NFATC3: variants seen among roughly 807,000 people sequenced by gnomAD.
NFATC3 encodes the protein nuclear factor of activated T-cells, cytoplasmic 3.
A neutral mutation model predicts 98.6 loss-of-function variants in NFATC3; 46 were observed. That is an observed-to-expected ratio of 0.47 (90% CI 0.37 to 0.60). The LOEUF is 0.60. NFATC3 is among the 20% of genes least tolerant of loss of function. The probability of loss-of-function intolerance (pLI) is 0.00; values close to 1 mark genes in which losing one functional copy is unlikely to be tolerated. For missense variants in NFATC3, 1,256 were observed against 1,295.5 expected (o/e 0.97, Z 0.47); for synonymous variants, 512 against 472.2 (o/e 1.08, Z -1.09).
chr16:68,216,419 T>G (rs2151169647), intron 9 of NFATC3, among the ~76,000 whole-genome samples: 1 of 152,378 alleles, frequency 6.6e-6, no homozygotes, highest in South Asian at 2.1e-4. Flanking sequence ...TGTGTACTGT[T>G]TACTCAGCTG....
At chr16:68,102,733 A>G (rs2035440827) in intron 1 of NFATC3, among the ~76,000 whole-genome samples, 1 of 152,188 alleles carries the variant, frequency 6.6e-6, no homozygotes, top group South Asian at 2.1e-4. Flanking sequence ...TGCTTGTCAT[A>G]TGGTAATTCT....
intron 1 of NFATC3, 40 bp from the exon 2 acceptor site, chr16:68,121,947 G>A: frequency 2.0e-6 from 3 of 1,513,846 alleles, no homozygotes; most frequent in Non-Finnish European, 2.6e-6. Context: ...CTAATTTCTT[G>A]TTTTGTTGGG....
At chr16:68,136,603 T>G (rs541107984) in intron 3 of NFATC3, among the ~76,000 whole-genome samples, 7 of 152,160 alleles carry the variant, frequency 4.6e-5, no homozygotes, top group African/African-American at 7.2e-5. Context: ...AAAAGTTCTT[T>G]AAAAAGGGCA....
At chr16:68,169,728 G>T (rs1388513148) in intron 5 of NFATC3, among the ~76,000 whole-genome samples, 1 of 151,816 alleles carries the variant, frequency 6.6e-6, no homozygotes, top group African/African-American at 2.4e-5. Context: ...ATCACCTGAG[G>T]TCAGGAGTTT....
chr16:68,106,192 C>T (rs1168629192), intron 1 of NFATC3, among the ~76,000 whole-genome samples: 1 of 152,058 alleles, frequency 6.6e-6, no homozygotes, highest in African/African-American at 2.4e-5. Flanking sequence ...TTCTTATTAT[C>T]ATAGTATTCT....
chr16:68,148,736 G>C (rs981643168), intron 3 of NFATC3, among the ~76,000 whole-genome samples: 5 of 152,206 alleles, frequency 3.3e-5, no homozygotes, highest in African/African-American at 7.2e-5. Flanking sequence ...GACCGGGCAC[G>C]GTGGTTCACA....
intron 1 of NFATC3, among the ~76,000 whole-genome samples, chr16:68,098,501 C>T (rs140773360): frequency 6.6e-6 from 1 of 152,030 alleles, no homozygotes; most frequent in African/African-American, 2.4e-5. Context: ...AGAGTTTCAC[C>T]ATGTTGACCA....
chr16:68,137,833 G>A (rs1353012748), intron 3 of NFATC3, among the ~76,000 whole-genome samples: 1 of 151,848 alleles, frequency 6.6e-6, no homozygotes, highest in African/African-American at 2.4e-5. Flanking sequence ...AGCCAGGATG[G>A]TCACGATCTT....
chr16:68,182,793 A>G (rs2040004893), intron 7 of NFATC3, among the ~76,000 whole-genome samples: 1 of 152,196 alleles, frequency 6.6e-6, no homozygotes, highest in Non-Finnish European at 1.5e-5. Context: ...TGCTGGGATT[A>G]CAAGTATGAG....
rs1598400833 is a variant in NFATC3, at chr16:68,122,234, T to C, written c.351T>C (p.Ser117=). The C allele has an allele frequency of 6.2e-7, 1 of 1,614,076 alleles. No individual in the cohort carries two copies. Among genetic ancestry groups the C allele is most frequent in the South Asian group, 1.1e-5 (1 of 91,084 alleles). The change falls in exon 2 of 10, where the codon TCT becomes TCC. Residue 117 remains serine, a synonymous_variant. Coordinates refer to ENST00000346183, the MANE Select transcript of NFATC3 (RefSeq NM_173165.3). The part of the protein sequence containing the change: ...ECPSIQITSI[S]PNCHQELDAH... The stretch of plus-strand genomic sequence containing the variant: ...CAAGTATTCAAATTACATCTATCTC[T>C]CCTAACTGTCATCAAGAATTAGATG...
At chr16:68,175,022 A>G (rs936336618) in intron 6 of NFATC3, among the ~76,000 whole-genome samples, 2 of 152,218 alleles carry the variant, frequency 1.3e-5, no homozygotes, top group African/African-American at 4.8e-5. Flanking sequence ...GAAACAACCT[A>G]AATGCTCACC....
chr16:68,126,599 C>T lies in NFATC3; in HGVS notation c.1390C>T (p.Pro464Ser), dbSNP rs2036841974. 6.2e-7 allele frequency: 1 copy of T among 1,614,020 alleles called. No individual in the cohort carries two copies. Among genetic ancestry groups the T allele is most frequent in the Non-Finnish European group, 8.5e-7 (1 of 1,179,954 alleles). ...GAVKASTGGHPVVKLLGYNEK... is the reference protein window; with the variant it reads ...GAVKASTGGHSVVKLLGYNEK... The stretch of plus-strand genomic sequence containing the variant: ...AGTAAAAGCATCTACTGGGGGACAT[C>T]CTGTTGTGAAGGTATGAGACTTTTG... Residue 464 changes from proline (P) to serine (S), a missense_variant, in exon 3 of 10, where the codon CCT (proline) becomes TCT (serine). By Grantham distance (74) the Pro-to-Ser change is moderately conservative. Coordinates refer to ENST00000346183, the MANE Select transcript of NFATC3 (RefSeq NM_173165.3).
intron 9 of NFATC3, among the ~76,000 whole-genome samples, chr16:68,206,957 G>A (rs187493467): frequency 1.4e-3 from 211 of 150,112 alleles, no homozygotes; most frequent in Non-Finnish European, 2.4e-3. Flanking sequence ...ACTCCAACCC[G>A]GGCAACAGAG....
At position 68,156,854 on chromosome 16, in the gene NFATC3, G is replaced by A. The variant is rs145639984; in HGVS notation, c.1402-1015G>A. Among the ~76,000 whole-genome samples the A allele has an allele frequency of 8.0e-3, 1,212 of 152,112 alleles. 15 individuals are homozygous for A. Among genetic ancestry groups the A allele is most frequent in the African/African-American group, 0.027 (1,130 of 41,470 alleles). On this transcript the variant is annotated intron_variant, in intron 3 of 9. Coordinates refer to ENST00000346183, the MANE Select transcript of NFATC3 (RefSeq NM_173165.3). ...CTCGGGAGGCTGAGGCAGGAAAATC[G>A]CTTGAACCCAGGAGGCAGAGGTTGC...
At position 68,191,455 on chromosome 16, in the gene NFATC3, C is replaced by A; in HGVS notation, c.2786C>A (p.Ala929Glu). ...GGGTCTGCTACAACAGCTTCCCCAG[C>A]AGCTTCTCATCCCTTGGCTAGTTCA... The part of the protein sequence containing the change: ...HSGSATTASP[A>E]ASHPLASSPL... The change falls in exon 9 of 10, where the codon GCA becomes GAA. Residue 929 changes from alanine (A) to glutamate (E), a missense_variant. Physicochemically the swap from Ala to Glu is moderately radical, Grantham distance 107. Around this residue, in one of 3 missense-constraint regions of NFATC3, gnomAD observed 636 missense variants for 617.3 expected, o/e 1.03. Coordinates refer to ENST00000346183, the MANE Select transcript of NFATC3 (RefSeq NM_173165.3). 2 of 1,614,134 alleles carry A rather than the reference C, an allele frequency of 1.2e-6. No individual in the cohort carries two copies. The highest frequency in any genetic ancestry group is 1.7e-6 in the Non-Finnish European group (2 of 1,180,036).
chr16:68,183,245 C>T lies in NFATC3; in HGVS notation c.1977C>T (p.His659=). The T allele has an allele frequency of 6.3e-7, 1 of 1,584,770 alleles. No individual in the cohort carries two copies. The highest frequency in any genetic ancestry group is 2.2e-5 in the East Asian group (1 of 44,698). The stretch of plus-strand genomic sequence containing the variant: ...ATCTTGCTTTCCATCCTTAGGCTCA[C>T]ATTGTCCTTGAAGTTCCTCCATATC... ...KIIREKCQGA[H]IVLEVPPYHN... Residue 659 remains histidine, a synonymous_variant, in exon 8 of 10, where the codon CAC becomes CAT. Transcript: ENST00000346183.
intron 1 of NFATC3, among the ~76,000 whole-genome samples, chr16:68,117,512 C>G (rs767962181): frequency 1.3e-5 from 2 of 152,014 alleles, no homozygotes; most frequent in Non-Finnish European, 2.9e-5. Flanking sequence ...TTCCAACAAC[C>G]TTATTTATTT....
At chr16:68,164,776 A>C (rs1454174823) in intron 4 of NFATC3, among the ~76,000 whole-genome samples, 1 of 152,100 alleles carries the variant, frequency 6.6e-6, no homozygotes, top group Non-Finnish European at 1.5e-5. Context: ...GCTACTTGGG[A>C]GGCTGAGGCA....
intron 1 of NFATC3, among the ~76,000 whole-genome samples, chr16:68,105,611 C>G (rs974988494): frequency 3.3e-5 from 5 of 152,046 alleles, no homozygotes; most frequent in Non-Finnish European, 7.4e-5. Flanking sequence ...AAATACTGGC[C>G]TCATAGAATG....
Sources: gnomAD v4.1 joint callset for allele counts (sites outside exome capture counted in the v4.1 genomes callset) on GRCh38, gnomAD v4.1.1 for gene constraint, gnomAD v4.1.1 regional missense constraint, MANE v1.5 for transcripts, NCBI Gene and HGNC (gene_info 2026-07-23, HGNC 2026-07-21) for gene names.